The following BRIP1 variants were observed in gnomAD, a reference collection of about 807,000 sequenced individuals.
The protein encoded by BRIP1 is BRCA1 interacting DNA helicase 1, also known as Fanconi anemia group J protein.
Under a neutral mutation model 119.7 loss-of-function variants are expected in BRIP1, and 88 were observed. That is an observed-to-expected ratio of 0.74 (90% CI 0.62 to 0.88). The LOEUF (loss-of-function observed/expected upper bound fraction) is 0.88, where lower values mean the gene tolerates loss of function less well. Ranked by LOEUF, BRIP1 falls within the 40% of genes least tolerant of loss-of-function variation. BRIP1 has a pLI of 0.00. For missense variants in BRIP1, 1,259 were observed against 1,455.4 expected (o/e 0.87, Z 2.20); for synonymous variants, 443 against 496.5 (o/e 0.89, Z 1.43).
At chr17:61,694,818 G>A (rs1431245211) in intron 17 of BRIP1, among the ~76,000 whole-genome samples, 1 of 151,458 alleles carries the variant, frequency 6.6e-6, no homozygotes, top group Non-Finnish European at 1.5e-5. Context: ...GGCCATTTGT[G>A]TATCCTTTTT....
rs762621389 is a variant in BRIP1 at position 61,752,059 on chromosome 17, G to A, written c.2098-7468C>T. Among the ~76,000 whole-genome samples, 4 of 152,082 alleles carry A rather than the reference G, an allele frequency of 2.6e-5. No homozygotes were observed. Among genetic ancestry groups the A allele is most frequent in the South Asian group, 2.1e-4 (1 of 4,830 alleles). ...CGGGATCACAGGCATGACCCACTGCGCCTGGCCAGATGGAAGCTTCTAATG... is the reference window on the plus strand; with the variant it reads ...CGGGATCACAGGCATGACCCACTGCACCTGGCCAGATGGAAGCTTCTAATG... On this transcript the variant is annotated intron_variant, in intron 14 of 19. Transcript: ENST00000259008. The surrounding 1 kb of genome is among the most constrained non-coding windows in gnomAD (Gnocchi z 6.2).
chr17:61,680,388 G>A lies in BRIP1; in HGVS notation c.*2908C>T, dbSNP rs549941795. 1.9e-4 allele frequency among the ~76,000 whole-genome samples: 29 copies of A among 151,320 alleles called. No individual in the cohort carries two copies. In the South Asian group the frequency reaches 5.8e-3, roughly 31 times the overall value. ...AAAACATATCTAGCTAGGGAAAGGG[G>A]AAAGTATTGGAGATGAAGTTGGGTA... On this transcript the variant is annotated 3_prime_UTR_variant, in exon 20 of 20. Coordinates refer to ENST00000259008, the MANE Select transcript of BRIP1 (RefSeq NM_032043.3).
chr17:61,792,030 G>A (rs2145224149), intron 10 of BRIP1, among the ~76,000 whole-genome samples: 2 of 152,272 alleles, frequency 1.3e-5, no homozygotes. Context: ...TACAACAACA[G>A]GAACTTTTGT....
intron 7 of BRIP1, 70 bp from the exon 8 acceptor site, chr17:61,801,544 C>T: frequency 7.3e-7 from 1 of 1,370,624 alleles, no homozygotes; most frequent in Non-Finnish European, 1.0e-6. Context: ...AAGCTTATCT[C>T]AGAATTTGAG....
chr17:61,777,437 TA>T (rs2145043941), intron 13 of BRIP1, among the ~76,000 whole-genome samples: 1 of 152,280 alleles, frequency 6.6e-6, no homozygotes, highest in East Asian at 1.9e-4. Context: ...TGGGAGATGA[TA>T]ACTTCAGATC....
rs778250103 is a variant in BRIP1, at chr17:61,776,542, C to T, written c.1956G>A (p.Gly652=). Residue 652 remains glycine (G), a synonymous_variant, in exon 14 of 20, where the codon GGG becomes GGA. Transcript: ENST00000259008. This position sits in a 1 kb window ranked among gnomAD's most constrained non-coding sequence, Gnocchi z 5.0. ...KNSQVWVGTI[G]SGPKGRNLCA... ...AGAGATTCCGACCCTTGGGGCCTGA[C>T]CCAATGGTACCAACCCAAACCTAGA... The T allele has an allele frequency of 1.2e-6, 2 of 1,614,026 alleles. No homozygotes were observed. The highest frequency in any genetic ancestry group is 2.2e-5 in the East Asian group (1 of 44,868).
Position 61,808,324 on chromosome 17 carries a change from T to C in BRIP1, c.918+143A>G. On this transcript the variant is annotated intron_variant, in intron 7 of 19. Transcript: ENST00000259008. This position sits in a 1 kb window ranked among gnomAD's most constrained non-coding sequence, Gnocchi z 4.1. The stretch of plus-strand genomic sequence containing the variant: ...ACTAAAGATTTTATTACAGGAAAAT[T>C]GTTTTTTAAAAGATATCAATACTAG... The C allele has an allele frequency of 1.2e-6, 1 of 819,350 alleles. No individual in the cohort carries two copies. The highest frequency in any genetic ancestry group is 1.9e-6 in the Non-Finnish European group (1 of 524,194). 50.8% of individuals were successfully genotyped at this position (819,350 alleles called of 1,614,324 possible). A position where few individuals can be genotyped will look rare whatever the true frequency, so the allele number is the denominator to read the frequency against.
chr17:61,784,468 A>G, intron 10 of BRIP1, 44 bp from the exon 11 acceptor site: 1 of 1,552,840 alleles, frequency 6.4e-7, no homozygotes. Flanking sequence ...TTGGGAGGGA[A>G]TTGGAAAAAG....
At chr17:61,702,972 C>CTTTTTTTTTT (rs61428664) in intron 17 of BRIP1, among the ~76,000 whole-genome samples, 1 of 125,220 alleles carries the variant, frequency 8.0e-6, no homozygotes, top group African/African-American at 3.0e-5. Context: ...AGCATCTGTT[C>CTTTTTTTTTT]TTTTTTTTTT....
In BRIP1 at chr17:61,753,374, T is replaced by G. The variant is rs1011194816; in HGVS notation, c.2098-8783A>C. ...GGCAACACTGGCAAAGGACCAAGAC[T>G]GGAAGGAAAGATTAAAAGTTTGTTG... On this transcript the variant is annotated intron_variant, in intron 14 of 19. Coordinates refer to ENST00000259008, the MANE Select transcript of BRIP1 (RefSeq NM_032043.3). This position sits in a 1 kb window ranked among gnomAD's most constrained non-coding sequence, Gnocchi z 4.6. Among the ~76,000 whole-genome samples the G allele has an allele frequency of 6.6e-6, 1 of 152,142 alleles. No homozygotes were observed. The highest frequency in any genetic ancestry group is 2.4e-5 in the African/African-American group (1 of 41,416).
At chr17:61,791,488 C>CAAAAAAAAAAAAAA (rs529710126) in intron 10 of BRIP1, among the ~76,000 whole-genome samples, 16 of 52,922 alleles carry the variant, frequency 3.0e-4, no homozygotes, top group African/African-American at 9.9e-4. Flanking sequence ...GACTTCATCT[C>CAAAAAAAAAAAAAA]AAAAAAAAAA....
rs1324462611 is a variant in BRIP1 at position 61,735,786 on chromosome 17, G to A, written c.2379+7227C>T. Among the ~76,000 whole-genome samples, 3 of 151,532 alleles carry A rather than the reference G, an allele frequency of 2.0e-5. No individual in the cohort carries two copies. Among genetic ancestry groups the A allele is most frequent in the African/African-American group, 7.3e-5 (3 of 41,168 alleles). On this transcript the variant is annotated intron_variant, in intron 16 of 19. Transcript: ENST00000259008. This position sits in a 1 kb window ranked among gnomAD's most constrained non-coding sequence, Gnocchi z 4.4. ...ACTGCACTCTAGCCTGGGCAATGGA[G>A]TGAGACCCTGTTTTCAAAAAAATTT...
rs2078854480 is a variant in BRIP1 at position 61,853,648 on chromosome 17, T to C, written c.379+3410A>G. Among the ~76,000 whole-genome samples, 1 of 152,158 alleles carries C rather than the reference T, an allele frequency of 6.6e-6. No homozygotes were observed. The highest frequency in any genetic ancestry group is 2.4e-5 in the African/African-American group (1 of 41,434). Reference sequence around the variant, plus strand: ...CAAAGGCAATGTAGTGGATAAAGGATAGCCTTTTCGATATATCCAGGTGCT... The same window carrying C: ...CAAAGGCAATGTAGTGGATAAAGGACAGCCTTTTCGATATATCCAGGTGCT... On this transcript the variant is annotated intron_variant, in intron 4 of 19. Coordinates refer to ENST00000259008, the MANE Select transcript of BRIP1 (RefSeq NM_032043.3). This position sits in a 1 kb window ranked among gnomAD's most constrained non-coding sequence, Gnocchi z 4.3.
rs1567874478 is a variant in BRIP1, at chr17:61,857,076, T to C, written c.361A>G (p.Thr121Ala). 4 of 1,613,954 alleles carry C rather than the reference T, an allele frequency of 2.5e-6. No homozygotes were observed. The highest frequency in any genetic ancestry group is 3.4e-6 in the Non-Finnish European group (4 of 1,179,992). Reference sequence around the variant, plus strand: ...AAATTACCTTGACAAGTTGATGAAGTGCCATTTCTTTCAGAAGGTGGTGTG... The same window carrying C: ...AAATTACCTTGACAAGTTGATGAAGCGCCATTTCTTTCAGAAGGTGGTGTG... ...PSTPPSERNG[T>A]SSTCQDSPEK... is the part of the protein sequence containing the mutation. The change falls in exon 4 of 20, where the codon ACT becomes GCT. Residue 121 changes from threonine (T) to alanine (A), a missense_variant. Transcript: ENST00000259008. The surrounding 1 kb of genome is among the most constrained non-coding windows in gnomAD (Gnocchi z 5.1).
At chr17:61,830,714 C>G (rs1356883520) in intron 6 of BRIP1, among the ~76,000 whole-genome samples, 1 of 152,154 alleles carries the variant, frequency 6.6e-6, no homozygotes, top group Non-Finnish European at 1.5e-5. Flanking sequence ...AAGATGGCTT[C>G]CCTGGTGAAT....
Position 61,704,385 on chromosome 17 carries a change from T to A in BRIP1, c.2493-10873A>T, listed in dbSNP as rs2061660202. Among the ~76,000 whole-genome samples the A allele has an allele frequency of 6.6e-6, 1 of 152,198 alleles. No individual in the cohort carries two copies. Among genetic ancestry groups the A allele is most frequent in the Non-Finnish European group, 1.5e-5 (1 of 68,028 alleles). ...TTTCTTCTTTAAATGTTTGGTAATA[T>A]TTGCTAGTGAACACAGCTGGGTGAA... is the stretch of plus-strand genomic sequence containing the variant. On this transcript the variant is annotated intron_variant, in intron 17 of 19. Coordinates refer to ENST00000259008, the MANE Select transcript of BRIP1 (RefSeq NM_032043.3). The surrounding 1 kb of genome is among the most constrained non-coding windows in gnomAD (Gnocchi z 5.7).
chr17:61,712,970 C>T (rs2061802883), intron 17 of BRIP1, among the ~76,000 whole-genome samples: 1 of 151,976 alleles, frequency 6.6e-6, no homozygotes, highest in Admixed American at 6.6e-5. Flanking sequence ...GATGTTGATG[C>T]CCTACAATAT....
chr17:61,849,088 G>A (rs1313138109), intron 5 of BRIP1, 41 bp downstream of exon 5: 13 of 1,609,418 alleles, frequency 8.1e-6, no homozygotes, highest in Non-Finnish European at 1.1e-5. Flanking sequence ...ATGTTCAGCT[G>A]TAACTAACTG....
chr17:61,726,000 C>T lies in BRIP1; in HGVS notation c.2380-9937G>A, dbSNP rs2076761592. 6.6e-6 allele frequency among the ~76,000 whole-genome samples: 1 copy of T among 152,140 alleles called. No homozygotes were observed. Among genetic ancestry groups the T allele is most frequent in the Non-Finnish European group, 1.5e-5 (1 of 68,026 alleles). ...TATCCATGTTAAAATATTACTCAAACAAACCTGCAAATGTTTAAATTATCA... is the reference window on the plus strand; with the variant it reads ...TATCCATGTTAAAATATTACTCAAATAAACCTGCAAATGTTTAAATTATCA... On this transcript the variant is annotated intron_variant, in intron 16 of 19. Transcript: ENST00000259008. This position sits in a 1 kb window ranked among gnomAD's most constrained non-coding sequence, Gnocchi z 5.3.
Sources: gnomAD v4.1 joint callset for allele counts (sites outside exome capture counted in the v4.1 genomes callset) on GRCh38, gnomAD v4.1.1 for gene constraint, Gnocchi (gnomAD v3.1) non-coding constraint, MANE v1.5 for transcripts, NCBI Gene and HGNC (gene_info 2026-07-23, HGNC 2026-07-21) for gene names.